The following PAN3 variants were observed in gnomAD, a reference collection of about 807,000 sequenced individuals.
The protein encoded by PAN3 is poly(A) specific ribonuclease subunit PAN3, also known as PAN2-PAN3 deadenylation complex subunit PAN3.
A neutral mutation model predicts 96.2 loss-of-function variants in PAN3; 19 were observed. That is an observed-to-expected ratio of 0.20 (90% confidence interval 0.14 to 0.29). The LOEUF (loss-of-function observed/expected upper bound fraction) is 0.29. Among genes scored for constraint, PAN3 ranks in the 10% least tolerant of loss-of-function variants. PAN3 has a pLI of 1.00. For synonymous variants in PAN3, 433 were observed against 406.6 expected, an observed-to-expected ratio of 1.06 and a Z score of -0.78; for missense variants, 882 against 1,108.1, an observed-to-expected ratio of 0.80 and a Z score of 2.90.
chr13:28,272,879 G>A (rs1007910212), intron 14 of PAN3, among the ~76,000 whole-genome samples: 33 of 152,166 alleles, frequency 2.2e-4, no homozygotes, highest in Admixed American at 5.2e-4. Context: ...TCCTGATAAC[G>A]TCAGAGACTC....
intron 6 of PAN3, among the ~76,000 whole-genome samples, chr13:28,241,736 G>A (rs1464216661): frequency 6.6e-6 from 1 of 152,106 alleles, no homozygotes; most frequent in East Asian, 1.9e-4. Context: ...TGGGTGATTT[G>A]GGGAATTTGG....
chr13:28,279,328 T>G (rs982149122), intron 15 of PAN3, among the ~76,000 whole-genome samples: 1 of 152,210 alleles, frequency 6.6e-6, no homozygotes, highest in African/African-American at 2.4e-5. Flanking sequence ...GAGGACAGCT[T>G]CTTAAAAAGG....
chr13:28,290,941 G>GAATATTATCCT (rs1347884634), intron 18 of PAN3, among the ~76,000 whole-genome samples: 12 of 85,756 alleles, frequency 1.4e-4, no homozygotes, highest in African/African-American at 5.7e-4. Flanking sequence ...ATCATTTAAT[G>GAATATTATCCT]AATATTAGGA....
At chr13:28,214,527 G>T (rs1255957776) in intron 5 of PAN3, 4 of 281,944 alleles carry the variant, frequency 1.4e-5, no homozygotes, top group East Asian at 2.1e-4. Flanking sequence ...AATGGGAAGA[G>T]ACTTTTATCA....
rs570980578 is a variant in PAN3 at position 28,197,937 on chromosome 13, A to T, written c.852+591A>T. Among the ~76,000 whole-genome samples, 16 of 152,092 alleles carry T rather than the reference A, an allele frequency of 1.1e-4. No individual in the cohort carries two copies. In the South Asian group the frequency reaches 3.1e-3, roughly 30 times the overall value. ...ATTTTGTTAATACTTGAGTTCAATT[A>T]TTTTTACTACCCAAGAGTTATTCAG... is the stretch of plus-strand genomic sequence containing the variant. On this transcript the variant is annotated intron_variant, in intron 5 of 18. Coordinates refer to ENST00000380958, the MANE Select transcript of PAN3 (RefSeq NM_175854.8).
Position 28,267,131 on chromosome 13 carries a change from T to C in PAN3, c.1610T>C (p.Val537Ala). 22 of 1,612,870 alleles carry C rather than the reference T, an allele frequency of 1.4e-5. No homozygotes were observed. The highest frequency in any genetic ancestry group is 1.8e-5 in the Non-Finnish European group (21 of 1,178,966). The change falls in exon 11 of 19, where the codon GTC (valine) becomes GCC (alanine). Residue 537 changes from valine (V) to alanine (A), a missense_variant. By Grantham distance (64) the Val-to-Ala change is moderately conservative. This residue lies in a region of PAN3 where 364 missense variants were observed against 513.6 expected (regional missense o/e 0.71). Transcript: ENST00000380958. Reference sequence around the variant, plus strand: ...GTTAACACAAAGTGCATGGTGTTGGTCGACATGTGGAAGAAAATTCAACAC... The same window carrying C: ...GTTAACACAAAGTGCATGGTGTTGGCCGACATGTGGAAGAAAATTCAACAC... ...RLVNTKCMVL[V>A]DMWKKIQHSN...
At chr13:28,167,770 G>T (rs1431857695) in intron 1 of PAN3, among the ~76,000 whole-genome samples, 1 of 152,086 alleles carries the variant, frequency 6.6e-6, no homozygotes, top group Admixed American at 6.5e-5. Context: ...CTTGAACCCG[G>T]GAGTCCGAGG....
chr13:28,262,749 A>G (rs1885844020), intron 9 of PAN3, among the ~76,000 whole-genome samples: 1 of 152,232 alleles, frequency 6.6e-6, no homozygotes, highest in Non-Finnish European at 1.5e-5. Flanking sequence ...AGATTAATAC[A>G]TCAGTTGCAT....
chr13:28,150,931 G>A (rs1444965968), intron 1 of PAN3, among the ~76,000 whole-genome samples: 1 of 152,116 alleles, frequency 6.6e-6, no homozygotes, highest in Non-Finnish European at 1.5e-5. Context: ...TGTATAGTAT[G>A]TTAAAAGATG....
At chr13:28,287,443 CT>C (rs1282324432) in intron 17 of PAN3, among the ~76,000 whole-genome samples, 3 of 152,110 alleles carry the variant, frequency 2.0e-5, no homozygotes, top group Non-Finnish European at 2.9e-5. Flanking sequence ...GCAGTTACAG[CT>C]TTCTTTGATT....
chr13:28,138,801 C>T lies in PAN3; in HGVS notation c.144C>T (p.Tyr48=). The change falls in exon 1 of 19, where the codon TAC becomes TAT. Residue 48 remains tyrosine, a synonymous_variant. Transcript: ENST00000380958. ...CGGCGGTAGGAGTGAAGCTGAAGTACTGCCGCTACTACGCTAAGGATAAGA... is the reference window on the plus strand; with the variant it reads ...CGGCGGTAGGAGTGAAGCTGAAGTATTGCCGCTACTACGCTAAGGATAAGA... ...GGAAVGVKLK[Y]CRYYAKDKTC... The T allele has an allele frequency of 1.4e-6, 2 of 1,403,888 alleles. No homozygotes were observed. Among genetic ancestry groups the T allele is most frequent in the Non-Finnish European group, 1.8e-6 (2 of 1,081,874 alleles). 87.0% of individuals were successfully genotyped at this position (1,403,888 alleles called of 1,614,324 possible). A position where few individuals can be genotyped will look rare whatever the true frequency, so the allele number is the denominator to read the frequency against.
At chr13:28,181,637 T>A (rs1232108002) in intron 4 of PAN3, among the ~76,000 whole-genome samples, 1 of 152,170 alleles carries the variant, frequency 6.6e-6, no homozygotes. Flanking sequence ...TGAGAATGTA[T>A]GCCTTAGGGC....
chr13:28,288,805 TATCAA>T (rs1869309320), intron 18 of PAN3, among the ~76,000 whole-genome samples: 1 of 152,040 alleles, frequency 6.6e-6, no homozygotes, highest in Admixed American at 6.6e-5. Flanking sequence ...TGTTGGGTGT[TATCAA>T]ATCATTATTA....
chr13:28,208,311 T>C (rs148098749), intron 5 of PAN3, among the ~76,000 whole-genome samples: 1 of 152,284 alleles, frequency 6.6e-6, no homozygotes, highest in East Asian at 1.9e-4. Flanking sequence ...CTTTGGAATG[T>C]TGTGATAGTC....
At chr13:28,142,900 C>CT (rs1870053639) in intron 1 of PAN3, among the ~76,000 whole-genome samples, 1 of 152,144 alleles carries the variant, frequency 6.6e-6, no homozygotes, top group Admixed American at 6.5e-5. Context: ...GGTTTTGACT[C>CT]TAACTTTAGC....
At chr13:28,169,039 A>G (rs1873944965) in intron 1 of PAN3, among the ~76,000 whole-genome samples, 1 of 151,980 alleles carries the variant, frequency 6.6e-6, no homozygotes, top group South Asian at 2.1e-4. Flanking sequence ...GTGAATTGCA[A>G]ACTATTAGTC....
At position 28,293,243 on chromosome 13, in the gene PAN3, CTAGAGCCTTTT is replaced by C. The variant is rs1341758100; in HGVS notation, c.*724_*734del. On this transcript the variant is annotated 3_prime_UTR_variant, in exon 19 of 19. Transcript: ENST00000380958. ...GTATAGCTCTTTCCTTCAAATTCAA[CTAGAGCCTTTT>C]TAAAAAGACATTTGCCTGCTAGTCA... 6.6e-6 allele frequency: 1 copy of C among 152,014 alleles called. No homozygotes were observed. Among genetic ancestry groups the C allele is most frequent in the African/African-American group, 2.4e-5 (1 of 41,374 alleles). 9.4% of individuals were successfully genotyped at this position (152,014 alleles called of 1,614,324 possible).
At chr13:28,253,555 A>C (rs1005687455) in intron 6 of PAN3, among the ~76,000 whole-genome samples, 2 of 150,720 alleles carry the variant, frequency 1.3e-5, no homozygotes, top group African/African-American at 2.4e-5. Context: ...GGTGATGCTT[A>C]CTGTTGTACA....
chr13:28,174,356 T>G lies in PAN3; in HGVS notation c.515T>G (p.Phe172Cys), dbSNP rs755646733. Reference sequence around the variant, plus strand: ...ACCAGCTTTATTGGAGTCAATGGATTTGGAAGCCCTGTAGAAACAAAATAT... The same window carrying G: ...ACCAGCTTTATTGGAGTCAATGGATGTGGAAGCCCTGTAGAAACAAAATAT... ...FSTSFIGVNG[F>C]GSPVETKYPL... The change falls in exon 2 of 19, where the codon TTT (phenylalanine) becomes TGT (cysteine). Residue 172 changes from phenylalanine (F) to cysteine (C), a missense_variant. By Grantham distance (205) the Phe-to-Cys change is radical. Coordinates refer to ENST00000380958, the MANE Select transcript of PAN3 (RefSeq NM_175854.8). 3.1e-6 allele frequency: 5 copies of G among 1,613,204 alleles called. No homozygotes were observed. Among genetic ancestry groups the G allele is most frequent in the Admixed American group, 3.3e-5 (2 of 59,992 alleles).
Sources: allele counts gnomAD v4.1 joint callset (sites outside exome capture counted in the v4.1 genomes callset), GRCh38; gene constraint gnomAD v4.1.1; regional missense constraint gnomAD v4.1.1; transcripts MANE v1.5; gene names NCBI Gene and HGNC (gene_info 2026-07-23, HGNC 2026-07-21).